Variants in PKIB observed in about 807,000 individuals in gnomAD.
PKIB encodes cAMP-dependent protein kinase inhibitor beta.
A neutral mutation model predicts 4.5 loss-of-function variants in PKIB; 2 were observed. That is an observed-to-expected ratio of 0.44 (90% CI 0.18 to 1.39). The LOEUF is 1.39. Ranked by LOEUF, PKIB falls within the 40% of genes most tolerant of loss-of-function variation. The pLI is 0.27. For synonymous variants in PKIB, 38 were observed against 36.0 expected (o/e 1.06, Z -0.20); for missense variants, 94 against 92.6 (o/e 1.02, Z -0.06).
chr6:122,683,393 T>C (rs528536710), intron 3 of PKIB, among the ~76,000 whole-genome samples: 1 of 152,124 alleles, frequency 6.6e-6, no homozygotes, highest in African/African-American at 2.4e-5. Context: ...GCCACACTCC[T>C]AAATTACCAG....
At chr6:122,602,817 G>T (rs1332532001) in intron 3 of PKIB, among the ~76,000 whole-genome samples, 1 of 151,962 alleles carries the variant, frequency 6.6e-6, no homozygotes, top group Non-Finnish European at 1.5e-5. Context: ...TTAGCCGGGT[G>T]TGGTGGTGCA....
At chr6:122,701,670 T>A (rs947335432) in intron 3 of PKIB, among the ~76,000 whole-genome samples, 4 of 152,198 alleles carry the variant, frequency 2.6e-5, no homozygotes, top group African/African-American at 9.7e-5. Context: ...ACAGTTAATT[T>A]TAACTGACTA....
chr6:122,685,918 C>A (rs1335868520), intron 3 of PKIB, among the ~76,000 whole-genome samples: 1 of 152,140 alleles, frequency 6.6e-6, no homozygotes, highest in African/African-American at 2.4e-5. Context: ...GTTTGTCTTT[C>A]TGTGCCTGGC....
chr6:122,637,080 T>C (rs1775944401), intron 2 of PKIB, among the ~76,000 whole-genome samples: 1 of 152,160 alleles, frequency 6.6e-6, no homozygotes, highest in Non-Finnish European at 1.5e-5. Context: ...AGCAGAACAA[T>C]GACAGAGACA....
At chr6:122,657,257 A>G (rs534876604) in intron 2 of PKIB, among the ~76,000 whole-genome samples, 18 of 152,234 alleles carry the variant, frequency 1.2e-4, no homozygotes, top group Non-Finnish European at 4.4e-5. Flanking sequence ...GTTTCCCTTT[A>G]TCCAATAGGA....
intron 3 of PKIB, among the ~76,000 whole-genome samples, chr6:122,703,505 T>G (rs1176263858): frequency 1.3e-5 from 2 of 152,050 alleles, no homozygotes; most frequent in African/African-American, 4.8e-5. Context: ...CATATGTAAG[T>G]ATAAATGACT....
chr6:122,541,243 T>G (rs1326281264), intron 2 of PKIB, among the ~76,000 whole-genome samples: 3 of 152,122 alleles, frequency 2.0e-5, no homozygotes, highest in Middle Eastern at 3.2e-3. Flanking sequence ...AGCTGGTTAT[T>G]TTGCTCATTA....
intron 1 of PKIB, among the ~76,000 whole-genome samples, chr6:122,631,997 G>A (rs762751518): frequency 2.1e-4 from 32 of 152,324 alleles, no homozygotes; most frequent in South Asian, 1.2e-3. Flanking sequence ...CAGTGTGAAA[G>A]GTGTGTGGAG....
intron 2 of PKIB, among the ~76,000 whole-genome samples, chr6:122,561,076 G>A (rs1772997259): frequency 6.6e-6 from 1 of 150,768 alleles, no homozygotes; most frequent in Non-Finnish European, 1.5e-5. Context: ...CCTTTCTTCT[G>A]CTGGGCCTGG....
At chr6:122,715,015 G>C (rs1433979032) in intron 3 of PKIB, among the ~76,000 whole-genome samples, 3 of 151,092 alleles carry the variant, frequency 2.0e-5, no homozygotes, top group Non-Finnish European at 4.4e-5. Context: ...TCAAACTTCT[G>C]GCCTCATGAT....
chr6:122,600,402 A>G (rs1445771892), intron 3 of PKIB, among the ~76,000 whole-genome samples: 2 of 152,192 alleles, frequency 1.3e-5, no homozygotes, highest in Non-Finnish European at 2.9e-5. Context: ...CATCAATCCA[A>G]TTAAGTTGAC....
chr6:122,632,380 A>G (rs1462861061), intron 1 of PKIB, among the ~76,000 whole-genome samples: 3 of 152,204 alleles, frequency 2.0e-5, no homozygotes, highest in South Asian at 2.1e-4. Flanking sequence ...AACATGGCTC[A>G]TTCATTTTTA....
intron 2 of PKIB, among the ~76,000 whole-genome samples, chr6:122,563,816 C>T (rs956028394): frequency 1.3e-5 from 2 of 152,104 alleles, no homozygotes; most frequent in Non-Finnish European, 2.9e-5. Flanking sequence ...CACTGTTCCC[C>T]GCGACAACAG....
intron 2 of PKIB, among the ~76,000 whole-genome samples, chr6:122,637,187 T>G (rs1349408140): frequency 6.6e-6 from 1 of 152,198 alleles, no homozygotes; most frequent in Non-Finnish European, 1.5e-5. Flanking sequence ...GACTTGATTG[T>G]AGATATATTA....
At chr6:122,589,392 C>A (rs1451280262) in intron 3 of PKIB, among the ~76,000 whole-genome samples, 1 of 151,862 alleles carries the variant, frequency 6.6e-6, no homozygotes, top group African/African-American at 2.4e-5. Context: ...ATATCTAGAT[C>A]CATGTGATGT....
At chr6:122,612,888 T>C (rs367712526) in intron 1 of PKIB, among the ~76,000 whole-genome samples, 23 of 152,150 alleles carry the variant, frequency 1.5e-4, no homozygotes, top group East Asian at 7.7e-4. Context: ...GTAGAAGTTA[T>C]ATATATAAAA....
At chr6:122,619,365 T>C (rs1775126064) in intron 1 of PKIB, among the ~76,000 whole-genome samples, 1 of 152,178 alleles carries the variant, frequency 6.6e-6, no homozygotes, top group African/African-American at 2.4e-5. Context: ...TTGGCAGTTA[T>C]TTTAGTAAGA....
intron 3 of PKIB, among the ~76,000 whole-genome samples, chr6:122,710,947 A>G (rs1779250010): frequency 6.6e-6 from 1 of 152,206 alleles, no homozygotes; most frequent in Non-Finnish European, 1.5e-5. Flanking sequence ...GAAAAAAAGA[A>G]TGAGAAGGGT....
chr6:122,583,162 G>A (rs1773753192), intron 2 of PKIB, among the ~76,000 whole-genome samples: 1 of 151,884 alleles, frequency 6.6e-6, no homozygotes, highest in Admixed American at 6.6e-5. Flanking sequence ...AACAAACGAA[G>A]CTTTAGTGAA....
Sources: gnomAD v4.1 joint callset for allele counts (sites outside exome capture counted in the v4.1 genomes callset) on GRCh38, gnomAD v4.1.1 for gene constraint, MANE v1.5 for transcripts, NCBI Gene and HGNC (gene_info 2026-07-23, HGNC 2026-07-21) for gene names.